Variants in SLC8A1 observed in about 807,000 individuals in gnomAD.
SLC8A1 encodes sodium/calcium exchanger 1.
Under a neutral mutation model 68.3 loss-of-function variants are expected in SLC8A1, and 18 were observed. That is an observed-to-expected ratio of 0.26 (90% CI 0.18 to 0.39). The LOEUF (loss-of-function observed/expected upper bound fraction) is 0.39, where lower values mean the gene tolerates loss of function less well. SLC8A1 is among the 10% of genes least tolerant of loss of function. SLC8A1 has a pLI of 1.00. For missense variants in SLC8A1, 985 were observed against 1,156.7 expected (o/e 0.85, Z 2.15); for synonymous variants, 475 against 415.5 (o/e 1.14, Z -1.74).
chr2:40,169,287 C>T (rs13017329), intron 4 of SLC8A1, among the ~76,000 whole-genome samples: 21 of 152,112 alleles, frequency 1.4e-4, no homozygotes, highest in Admixed American at 3.3e-4. Flanking sequence ...TTTGGAGAGG[C>T]GGACAAGGCC....
chr2:40,190,855 C>T (rs1006370253), intron 2 of SLC8A1: 1 of 152,124 alleles, frequency 6.6e-6, no homozygotes, highest in African/African-American at 2.4e-5. Context: ...CCTGTCTCTC[C>T]ACTTTTTCTT....
intron 1 of SLC8A1, among the ~76,000 whole-genome samples, chr2:40,436,965 A>T (rs776189693): frequency 1.8e-4 from 28 of 152,162 alleles, no homozygotes; most frequent in Non-Finnish European, 4.0e-4. Flanking sequence ...TAATGACTGA[A>T]ATCATGGACT....
intron 6 of SLC8A1, among the ~76,000 whole-genome samples, chr2:40,147,238 A>C (rs1301460183): frequency 6.6e-6 from 1 of 152,196 alleles, no homozygotes; most frequent in Non-Finnish European, 1.5e-5. Flanking sequence ...TTCCTAAAAA[A>C]AAATCCGCTA....
At position 40,236,502 on chromosome 2, in the gene SLC8A1, G is replaced by A. The variant is rs553011140; in HGVS notation, c.1809-58647C>T. The stretch of plus-strand genomic sequence containing the variant: ...TTTGAGCCTATGTGTGTCTCTGCAC[G>A]TGAGATGGGTTTCCTGAATACAGCA... On this transcript the variant is annotated intron_variant, in intron 2 of 7. Coordinates refer to ENST00000406785, the Ensembl canonical transcript of SLC8A1. 2.6e-3 allele frequency among the ~76,000 whole-genome samples: 401 copies of A among 151,862 alleles called. 1 individual carries two copies. Among genetic ancestry groups the A allele is most frequent in the Admixed American group, 4.8e-3 (74 of 15,258 alleles).
intron 2 of SLC8A1, among the ~76,000 whole-genome samples, chr2:40,347,193 G>T (rs1669633520): frequency 6.6e-6 from 1 of 152,152 alleles, no homozygotes; most frequent in Non-Finnish European, 1.5e-5. Flanking sequence ...AGACTGCAGT[G>T]GTGCAATCAT....
chr2:40,223,617 T>C (rs2058625067), intron 2 of SLC8A1: 1 of 152,078 alleles, frequency 6.6e-6, no homozygotes, highest in South Asian at 2.1e-4. Context: ...CTATTCCTTT[T>C]CTTTCTCCCT....
At chr2:40,485,530 G>A (rs180951957) in intron 1 of SLC8A1, among the ~76,000 whole-genome samples, 24 of 152,290 alleles carry the variant, frequency 1.6e-4, no homozygotes, top group Middle Eastern at 3.4e-3. Context: ...GTTAAGCAAT[G>A]AGCCAGGTGA....
chr2:40,280,314 A>C (rs939178629), intron 2 of SLC8A1, among the ~76,000 whole-genome samples: 4 of 149,924 alleles, frequency 2.7e-5, no homozygotes, highest in Non-Finnish European at 5.9e-5. Context: ...ATTTAATTTT[A>C]CCATTCTGTC....
chr2:40,237,512 T>A (rs969287143), intron 2 of SLC8A1, among the ~76,000 whole-genome samples: 93 of 151,950 alleles, frequency 6.1e-4, no homozygotes, highest in Non-Finnish European at 4.7e-4. Flanking sequence ...TCTTCTAAAT[T>A]TTTTTCAAAG....
chr2:40,186,526 T>A (rs897809383), intron 2 of SLC8A1, among the ~76,000 whole-genome samples: 2 of 152,192 alleles, frequency 1.3e-5, no homozygotes, highest in African/African-American at 2.4e-5. Context: ...AAGGACAGGT[T>A]GCTATTCATA....
At chr2:40,378,756 T>C (rs960574273) in intron 2 of SLC8A1, among the ~76,000 whole-genome samples, 1 of 152,008 alleles carries the variant, frequency 6.6e-6, no homozygotes, top group Non-Finnish European at 1.5e-5. Context: ...ACACACATGC[T>C]CCTGTTCCTG....
intron 7 of SLC8A1, among the ~76,000 whole-genome samples, chr2:40,127,633 A>C (rs940786238): frequency 6.6e-5 from 10 of 152,124 alleles, no homozygotes; most frequent in African/African-American, 2.4e-4. Flanking sequence ...GGGTCATTTT[A>C]GTCTGGAGCT....
chr2:40,395,714 G>T (rs2149622284), intron 2 of SLC8A1, among the ~76,000 whole-genome samples: 1 of 152,204 alleles, frequency 6.6e-6, no homozygotes, highest in Non-Finnish European at 1.5e-5. Context: ...CTTATTATCA[G>T]AGTGATAAGA....
chr2:40,224,358 C>T (rs989019411), intron 2 of SLC8A1, among the ~76,000 whole-genome samples: 10 of 152,168 alleles, frequency 6.6e-5, no homozygotes, highest in South Asian at 4.1e-4. Context: ...ATCTGCTCAA[C>T]GCTAAAAGCC....
chr2:40,233,732 C>G (rs1001021652), intron 2 of SLC8A1, among the ~76,000 whole-genome samples: 1 of 150,424 alleles, frequency 6.6e-6, no homozygotes, highest in Non-Finnish European at 1.5e-5. Context: ...GGTTTTAGGT[C>G]TAACGTTTAA....
intron 2 of SLC8A1, among the ~76,000 whole-genome samples, chr2:40,309,487 C>T (rs1402251055): frequency 6.6e-6 from 1 of 150,894 alleles, no homozygotes; most frequent in Non-Finnish European, 1.5e-5. Flanking sequence ...AATGAATGAT[C>T]TCCTGAATAT....
At chr2:40,454,848 C>G (rs762950682), upstream of SLC8A1, among the ~76,000 whole-genome samples, 3 of 152,102 alleles carry the variant, frequency 2.0e-5, no homozygotes, top group Non-Finnish European at 4.4e-5. Context: ...ATCACAGGCA[C>G]AAGGCTGAGG....
At chr2:40,341,173 A>G (rs755635910) in intron 2 of SLC8A1, among the ~76,000 whole-genome samples, 1 of 152,030 alleles carries the variant, frequency 6.6e-6, no homozygotes, top group South Asian at 2.1e-4. Flanking sequence ...TCTTTGCCTT[A>G]TTTTTTTACA....
chr2:40,296,689 A>G (rs2070450350), intron 2 of SLC8A1, among the ~76,000 whole-genome samples: 2 of 152,314 alleles, frequency 1.3e-5, no homozygotes, highest in South Asian at 2.1e-4. Context: ...TTGTCATGCT[A>G]TATTTTATGT....
Sources: allele counts gnomAD v4.1 joint callset (sites outside exome capture counted in the v4.1 genomes callset), GRCh38; gene constraint gnomAD v4.1.1; transcripts MANE v1.5; gene names NCBI Gene and HGNC (gene_info 2026-07-23, HGNC 2026-07-21).